CDH2: variants seen among roughly 807,000 people sequenced by gnomAD.
The protein encoded by CDH2 is cadherin 2, also known as cadherin-2.
Under a neutral mutation model 92.0 loss-of-function variants are expected in CDH2, and 17 were observed. The observed-to-expected ratio is 0.18, with a 90% confidence interval of 0.13 to 0.28. The LOEUF (loss-of-function observed/expected upper bound fraction) is 0.28. Among genes scored for constraint, CDH2 ranks in the 10% least tolerant of loss-of-function variants. The pLI, the probability that CDH2 is intolerant of heterozygous loss-of-function variation, is 1.00. For missense variants in CDH2, 862 were observed against 1,133.1 expected, an observed-to-expected ratio of 0.76 and a Z score of 3.44; for synonymous variants, 419 against 415.9, an observed-to-expected ratio of 1.01 and a Z score of -0.09.
At chr18:28,031,550 T>A (rs1244491261) in intron 2 of CDH2, among the ~76,000 whole-genome samples, 1 of 152,058 alleles carries the variant, frequency 6.6e-6, no homozygotes, top group Non-Finnish European at 1.5e-5. Flanking sequence ...CCTTCTTTCC[T>A]CTTCTCCTAG....
At chr18:28,152,855 A>C (rs1489493449) in intron 1 of CDH2, among the ~76,000 whole-genome samples, 1 of 152,156 alleles carries the variant, frequency 6.6e-6, no homozygotes, top group Non-Finnish European at 1.5e-5. Context: ...AGGGGCTGCA[A>C]GGAATGAAAA....
intron 1 of CDH2, among the ~76,000 whole-genome samples, chr18:28,157,950 T>A (rs909556523): frequency 1.3e-5 from 2 of 152,214 alleles, no homozygotes; most frequent in Admixed American, 6.5e-5. Flanking sequence ...AGAGGTGATA[T>A]TGATGAAGGA....
chr18:28,080,172 A>G (rs987504387), intron 2 of CDH2, among the ~76,000 whole-genome samples: 2 of 152,184 alleles, frequency 1.3e-5, no homozygotes, highest in African/African-American at 4.8e-5. Context: ...AACTAAAATG[A>G]CACTGGCTTT....
intron 14 of CDH2, 106 bp downstream of exon 14, chr18:27,982,838 C>G (rs1032142696): frequency 1.4e-5 from 9 of 637,668 alleles, no homozygotes; most frequent in African/African-American, 3.8e-5. Flanking sequence ...TGACTGATAA[C>G]AGGAGGGAAA....
intron 2 of CDH2, among the ~76,000 whole-genome samples, chr18:28,040,457 T>G (rs1362147034): frequency 6.6e-6 from 1 of 152,156 alleles, no homozygotes; most frequent in East Asian, 1.9e-4. Context: ...ACAGACAATG[T>G]TAATTTTCTT....
At chr18:28,156,726 A>G (rs1207773247) in intron 1 of CDH2, among the ~76,000 whole-genome samples, 1 of 136,322 alleles carries the variant, frequency 7.3e-6, no homozygotes, top group Non-Finnish European at 1.6e-5. Context: ...CTTCCCAGGT[A>G]TAGCATGTCA....
chr18:28,129,801 A>C lies in CDH2; in HGVS notation c.172+17872T>G, dbSNP rs148961968. 1.3e-3 allele frequency among the ~76,000 whole-genome samples: 193 copies of C among 152,280 alleles called. 3 individuals carry two copies. In the East Asian group the frequency reaches 0.033, roughly 26 times the overall value. On this transcript the variant is annotated intron_variant, in intron 2 of 15. Transcript: ENST00000269141. ...CTGGGATCGTACATTTATCTCCAAA[A>C]ATCAATTAATTAATTAATTAAATTT...
At position 28,104,911 on chromosome 18, in the gene CDH2, T is replaced by C. The variant is rs536986999; in HGVS notation, c.172+42762A>G. ...GTAGATAGATAGATACTCACCATAA[T>C]GAAATACATGTAAAATATATGTAAA... On this transcript the variant is annotated intron_variant, in intron 2 of 15. Coordinates refer to ENST00000269141, the MANE Select transcript of CDH2 (RefSeq NM_001792.5). 2.0e-4 allele frequency among the ~76,000 whole-genome samples: 31 copies of C among 152,174 alleles called. 1 individual carries two copies. Among genetic ancestry groups the C allele is most frequent in the Admixed American group, 1.8e-3 (27 of 15,280 alleles).
At chr18:28,171,783 C>T (rs1430853647) in intron 1 of CDH2, among the ~76,000 whole-genome samples, 2 of 152,036 alleles carry the variant, frequency 1.3e-5, no homozygotes, top group Non-Finnish European at 2.9e-5. Flanking sequence ...TCAACTAATC[C>T]AACTAGGCCC....
rs139899269 is a variant in CDH2 at position 27,937,728 on chromosome 18, C to A, written c.1152-4604G>T. 2.6e-3 allele frequency among the ~76,000 whole-genome samples: 389 copies of A among 152,290 alleles called. 3 individuals are homozygous for A. Among genetic ancestry groups the A allele is most frequent in the African/African-American group, 8.3e-3 (346 of 41,558 alleles). ...ATGTAGGAACTACATTTCAAGCTTT[C>A]TTCGACATAAATTGAACTAATGGTC... On this transcript the variant is annotated intron_variant, in intron 6 of 6. Transcript: ENST00000675173.
intron 13 of CDH2, among the ~76,000 whole-genome samples, chr18:27,984,518 C>G (rs1255622134): frequency 6.6e-6 from 1 of 152,190 alleles, no homozygotes; most frequent in Non-Finnish European, 1.5e-5. Flanking sequence ...CAATCTCTCA[C>G]TCTTCTACAC....
chr18:28,086,510 G>A lies in CDH2; in HGVS notation c.172+61163C>T, dbSNP rs188956650. Among the ~76,000 whole-genome samples the A allele has an allele frequency of 9.9e-5, 15 of 151,708 alleles. No individual in the cohort carries two copies. In the East Asian group the frequency reaches 2.3e-3, roughly 24 times the overall value. On this transcript the variant is annotated intron_variant, in intron 2 of 15. Transcript: ENST00000269141. ...TAACAAAAATCTTCAGAGTGTACTCGGGAAAAGAGACTATTTCCTTCTGTG... is the reference window on the plus strand; with the variant it reads ...TAACAAAAATCTTCAGAGTGTACTCAGGAAAAGAGACTATTTCCTTCTGTG...
chr18:28,155,506 A>G (rs945544745), intron 1 of CDH2, among the ~76,000 whole-genome samples: 3 of 152,174 alleles, frequency 2.0e-5, no homozygotes, highest in Non-Finnish European at 2.9e-5. Flanking sequence ...AAAAAACGGA[A>G]ATTCACTCAC....
intron 14 of CDH2, among the ~76,000 whole-genome samples, chr18:27,969,773 T>C (rs1474284840): frequency 3.3e-5 from 5 of 152,164 alleles, no homozygotes; most frequent in Non-Finnish European, 5.9e-5. Flanking sequence ...TCCCAGCTCT[T>C]TGGGAGGCCG....
chr18:28,039,176 C>G (rs1463798237), intron 2 of CDH2, among the ~76,000 whole-genome samples: 1 of 152,098 alleles, frequency 6.6e-6, no homozygotes, highest in East Asian at 1.9e-4. Flanking sequence ...CTTTCCACAG[C>G]TATTGGAAGC....
chr18:28,162,688 G>T (rs1014035238), intron 1 of CDH2, among the ~76,000 whole-genome samples: 1 of 152,142 alleles, frequency 6.6e-6, no homozygotes, highest in African/African-American at 2.4e-5. Context: ...CTCCCACTGG[G>T]TCCATTCTTT....
chr18:28,106,617 A>C (rs2015327594), intron 2 of CDH2, among the ~76,000 whole-genome samples: 1 of 152,196 alleles, frequency 6.6e-6, no homozygotes, highest in East Asian at 1.9e-4. Context: ...GAAGACCACA[A>C]GATGAGCTAC....
chr18:28,102,857 A>G (rs2015249384), intron 2 of CDH2, among the ~76,000 whole-genome samples: 1 of 151,986 alleles, frequency 6.6e-6, no homozygotes, highest in Non-Finnish European at 1.5e-5. Context: ...GTTTATGGTG[A>G]GCAATGCTAA....
chr18:28,087,120 C>T (rs1432076176), intron 2 of CDH2, among the ~76,000 whole-genome samples: 2 of 152,158 alleles, frequency 1.3e-5, no homozygotes, highest in African/African-American at 4.8e-5. Flanking sequence ...ATGTCTCTTA[C>T]TTATACTTTG....
Sources: allele counts gnomAD v4.1 joint callset (sites outside exome capture counted in the v4.1 genomes callset), GRCh38; gene constraint gnomAD v4.1.1; transcripts MANE v1.5; gene names NCBI Gene and HGNC (gene_info 2026-07-23, HGNC 2026-07-21).